The following MCOLN3 variants were observed in gnomAD, a reference collection of about 807,000 sequenced individuals.
The protein encoded by MCOLN3 is mucolipin TRP cation channel 3.
A neutral mutation model predicts 69.4 loss-of-function variants in MCOLN3; 62 were observed. The observed-to-expected ratio is 0.89, with a 90% confidence interval of 0.73 to 1.10. The LOEUF is 1.10. MCOLN3 is among the 50% of genes least tolerant of loss of function. The probability of loss-of-function intolerance (pLI) is 0.00; values close to 1 mark genes in which losing one functional copy is unlikely to be tolerated. For missense variants in MCOLN3, 564 were observed against 656.4 expected (o/e 0.86, Z 1.54); for synonymous variants, 183 against 217.0 (o/e 0.84, Z 1.38).
chr1:85,031,918 T>C (rs1045352458), intron 6 of MCOLN3, among the ~76,000 whole-genome samples: 6 of 141,074 alleles, frequency 4.3e-5, no homozygotes, highest in Admixed American at 3.6e-4. Context: ...TAAAAAAAAA[T>C]ACAAAAAATT....
At chr1:85,025,904 G>T in intron 9 of MCOLN3, 35 bp downstream of exon 9, 2 of 1,555,216 alleles carry the variant, frequency 1.3e-6, no homozygotes, top group South Asian at 2.4e-5. Context: ...GTGCAAATCT[G>T]ACACTAACAA....
intron 6 of MCOLN3, 51 bp from the exon 7 acceptor site, chr1:85,029,256 G>A: frequency 1.8e-6 from 2 of 1,128,906 alleles, no homozygotes; most frequent in Non-Finnish European, 2.7e-6. Flanking sequence ...TTGGAGCCAA[G>A]AAACCTCTAC....
rs555890379 is a variant in MCOLN3 at position 85,029,094 on chromosome 1, C to T, written c.832+12G>A. Reference sequence around the variant, plus strand: ...ATAACCATTCTGAAAACTAGTAATGCGCATCACTTACTTGATCCAGATACA... The same window carrying T: ...ATAACCATTCTGAAAACTAGTAATGTGCATCACTTACTTGATCCAGATACA... On this transcript the variant is annotated intron_variant, in intron 7 of 12. Transcript: ENST00000370589. 29 of 1,475,614 alleles carry T rather than the reference C, an allele frequency of 2.0e-5. 1 individual carries two copies. Among genetic ancestry groups the T allele is most frequent in the Middle Eastern group, 1.7e-4 (1 of 5,794 alleles). The allele number at this position is 1,475,614 out of a possible 1,614,324, so 91.4% of individuals were successfully genotyped here. A position where few individuals can be genotyped will look rare whatever the true frequency, so the allele number is the denominator to read the frequency against.
At chr1:85,021,433 T>G (rs1173628866) in intron 11 of MCOLN3, among the ~76,000 whole-genome samples, 157 bp from the exon 12 acceptor site, 1 of 152,246 alleles carries the variant, frequency 6.6e-6, no homozygotes, top group Admixed American at 6.5e-5. Flanking sequence ...TGCTTTGTGA[T>G]GCATATAACA....
At chr1:85,035,003 C>A (rs546036794) in intron 3 of MCOLN3, among the ~76,000 whole-genome samples, 70 of 152,320 alleles carry the variant, frequency 4.6e-4, no homozygotes, top group East Asian at 1.4e-3. Context: ...CATGCTATGA[C>A]AAATGAATAA....
chr1:85,031,502 C>A (rs1233940566), intron 6 of MCOLN3, among the ~76,000 whole-genome samples: 2 of 151,936 alleles, frequency 1.3e-5, no homozygotes, highest in South Asian at 4.2e-4. Context: ...TCACCTGTAC[C>A]CCATAAATAC....
chr1:85,022,246 G>A, intron 10 of MCOLN3, 53 bp downstream of exon 10: 2 of 1,613,778 alleles, frequency 1.2e-6, no homozygotes, highest in Non-Finnish European at 1.7e-6. Flanking sequence ...CCAAAGCAGT[G>A]CAATAACTTT....
At chr1:85,023,888 C>T (rs1384971886) in intron 9 of MCOLN3, among the ~76,000 whole-genome samples, 2 of 152,104 alleles carry the variant, frequency 1.3e-5, no homozygotes, top group African/African-American at 4.8e-5. Flanking sequence ...AGCATGTCAA[C>T]AAAAAGGGAG....
chr1:85,032,838 A>G, intron 5 of MCOLN3, 34 bp downstream of exon 5: 1 of 1,613,422 alleles, frequency 6.2e-7, no homozygotes, highest in South Asian at 1.1e-5. Context: ...ATATACGTGC[A>G]AACGTAAGTT....
At position 85,026,258 on chromosome 1, in the gene MCOLN3, T is replaced by C. The variant is rs766417552; in HGVS notation, c.859A>G (p.Ile287Val). ...GTCAGAATGACAAAGGCATCAAAGATCATCATGTAATGAGTGTTCTTCTGA... is the reference window on the plus strand; with the variant it reads ...GTCAGAATGACAAAGGCATCAAAGACCATCATGTAATGAGTGTTCTTCTGA... The part of the protein sequence containing the change: ...SIQKNTHYMM[I>V]FDAFVILTCL... The change falls in exon 8 of 13, where the codon ATC becomes GTC. Residue 287 changes from isoleucine (I) to valine (V), a missense_variant. Transcript: ENST00000370589. 4.3e-6 allele frequency: 7 copies of C among 1,613,844 alleles called. No homozygotes were observed. In the Admixed American group the frequency reaches 1.2e-4, roughly 27 times the overall value.
intron 6 of MCOLN3, chr1:85,029,887 G>A (rs542386311): frequency 1.3e-5 from 2 of 152,112 alleles, no homozygotes; most frequent in Admixed American, 6.5e-5. Context: ...AAATCAATCC[G>A]TTTCATTTCT....
chr1:85,040,978 T>G, intron 3 of MCOLN3, 32 bp downstream of exon 3: 2 of 1,606,274 alleles, frequency 1.2e-6, no homozygotes, highest in South Asian at 2.2e-5. Context: ...CTGTTCTTTT[T>G]CCCAAGTAAA....
At chr1:85,027,297 A>C (rs1407335341) in intron 7 of MCOLN3, among the ~76,000 whole-genome samples, 1 of 152,238 alleles carries the variant, frequency 6.6e-6, no homozygotes, top group Non-Finnish European at 1.5e-5. Flanking sequence ...TGTATTGAGC[A>C]CATTTCTTGC....
intron 3 of MCOLN3, among the ~76,000 whole-genome samples, chr1:85,035,881 T>C (rs2102934921): frequency 6.6e-6 from 1 of 152,348 alleles, no homozygotes; most frequent in South Asian, 2.1e-4. Flanking sequence ...CTCAAGACTC[T>C]TGTTTTTACT....
intron 7 of MCOLN3, 100 bp downstream of exon 7, chr1:85,029,006 T>C: frequency 1.4e-6 from 1 of 737,898 alleles, no homozygotes; most frequent in Non-Finnish European, 2.3e-6. Context: ...AATGGTCTAA[T>C]CTTCTATTTG....
intron 9 of MCOLN3, 121 bp downstream of exon 9, chr1:85,025,818 G>C: frequency 9.8e-7 from 1 of 1,024,184 alleles, no homozygotes. Context: ...CCAATTTCAA[G>C]TCTACTTGAT....
Position 85,019,056 on chromosome 1 carries a change from A to G in MCOLN3, c.*67T>C. On this transcript the variant is annotated 3_prime_UTR_variant, in exon 13 of 13. Transcript: ENST00000370589. ...TCAAACATACTACATCTGATCTCAG[A>G]ATATCCACAGTGTTCCAACTCAGCT... 6.7e-7 allele frequency: 1 copy of G among 1,483,310 alleles called. No homozygotes were observed. Among genetic ancestry groups the G allele is most frequent in the South Asian group, 1.2e-5 (1 of 81,532 alleles). The allele number at this position is 1,483,310 out of a possible 1,614,324, so 91.9% of individuals were successfully genotyped here.
In MCOLN3 at chr1:85,041,156, T is replaced by G; in HGVS notation, c.250A>C (p.Asn84His). ...TCCTTGAAAGCTACCACCATCTGGTTACTTAGCCCAAATAAGACCAGCTTA... is the reference window on the plus strand; with the variant it reads ...TCCTTGAAAGCTACCACCATCTGGTGACTTAGCCCAAATAAGACCAGCTTA... ...TIQLVLFGLS[N>H]QMVVAFKEEN... Residue 84 changes from asparagine to histidine, a missense_variant, in exon 3 of 13, where the codon AAC becomes CAC. Physicochemically the swap from Asn to His is moderately conservative, Grantham distance 68. Coordinates refer to ENST00000370589, the MANE Select transcript of MCOLN3 (RefSeq NM_018298.11). 5 of 1,613,672 alleles carry G rather than the reference T, an allele frequency of 3.1e-6. No individual in the cohort carries two copies. Among genetic ancestry groups the G allele is most frequent in the Non-Finnish European group, 4.2e-6 (5 of 1,179,918 alleles).
chr1:85,035,247 A>G (rs1652747939), intron 3 of MCOLN3, among the ~76,000 whole-genome samples: 1 of 152,058 alleles, frequency 6.6e-6, no homozygotes, highest in Admixed American at 6.6e-5. Context: ...GCCAACCTCT[A>G]TATTTTGGCC....
Sources: gnomAD v4.1 joint callset for allele counts (sites outside exome capture counted in the v4.1 genomes callset) on GRCh38, gnomAD v4.1.1 for gene constraint, MANE v1.5 for transcripts, NCBI Gene and HGNC (gene_info 2026-07-23, HGNC 2026-07-21) for gene names.